Variants in EFR3B observed in about 807,000 individuals in gnomAD.
The protein encoded by EFR3B is EFR3 homolog B, also known as protein EFR3 homolog B.
Under a neutral mutation model 104.7 loss-of-function variants are expected in EFR3B, and 64 were observed. The observed-to-expected ratio is 0.61, with a 90% CI of 0.50 to 0.75. The LOEUF (loss-of-function observed/expected upper bound fraction) is 0.75. Among genes scored for constraint, EFR3B ranks in the 30% least tolerant of loss-of-function variants. The pLI, the probability that EFR3B is intolerant of heterozygous loss-of-function variation, is 0.00. For synonymous variants in EFR3B, 385 were observed against 417.9 expected (o/e 0.92, Z 0.96); for missense variants, 750 against 1,078.5 (o/e 0.70, Z 4.27).
chr2:25,096,640 AC>A (rs928013827), intron 3 of EFR3B, among the ~76,000 whole-genome samples: 4 of 152,118 alleles, frequency 2.6e-5, no homozygotes, highest in African/African-American at 9.7e-5. Flanking sequence ...TGAACTGCTG[AC>A]CACCTGGCTG....
chr2:25,129,330 G>GTGGGGA (rs1299988273), intron 6 of EFR3B, among the ~76,000 whole-genome samples: 2 of 131,810 alleles, frequency 1.5e-5, no homozygotes, highest in Non-Finnish European at 3.1e-5. Flanking sequence ...GGGGGCGGGG[G>GTGGGGA]CGGGGGCGGG....
intron 1 of EFR3B, among the ~76,000 whole-genome samples, chr2:25,059,875 C>CA (rs773320701): frequency 0.015 from 723 of 48,636 alleles, 29 homozygotes; most frequent in Non-Finnish European, 0.019. Context: ...AACTCTGTCT[C>CA]AAAAAAAAAA....
chr2:25,093,190 T>C (rs1476378733), intron 3 of EFR3B, 60 bp downstream of exon 3: 4 of 1,525,882 alleles, frequency 2.6e-6, no homozygotes, highest in South Asian at 1.2e-5. Context: ...AGGCTAAACA[T>C]AGGGTCCTTT....
chr2:25,116,145 T>G (rs1669853196), intron 4 of EFR3B: 1 of 152,258 alleles, frequency 6.6e-6, no homozygotes, highest in Admixed American at 6.5e-5. Flanking sequence ...CAAATACTGC[T>G]GTTCAATGAT....
intron 1 of EFR3B, among the ~76,000 whole-genome samples, chr2:25,086,451 A>G (rs1423775559): frequency 1.3e-5 from 2 of 152,172 alleles, no homozygotes; most frequent in Non-Finnish European, 2.9e-5. Flanking sequence ...GATCTGGGCC[A>G]TTCTAATAGG....
chr2:25,156,641 A>T lies in EFR3B; in HGVS notation c.*2301A>T, dbSNP rs761427524. 6.6e-6 allele frequency: 1 copy of T among 152,242 alleles called. No homozygotes were observed. Among genetic ancestry groups the T allele is most frequent in the Non-Finnish European group, 1.5e-5 (1 of 68,068 alleles). 9.4% of individuals were successfully genotyped at this position (152,242 alleles called of 1,614,324 possible). ...GCCTGAGTGAGGGCAGGGCCCAGGC[A>T]TGGAGGCTCCTGCACCCCCAAGGCT... is the stretch of plus-strand genomic sequence containing the variant. On this transcript the variant is annotated 3_prime_UTR_variant, in exon 23 of 23. Transcript: ENST00000403714.
chr2:25,081,369 G>A, intron 1 of EFR3B: 2 of 987,316 alleles, frequency 2.0e-6, no homozygotes, highest in South Asian at 1.4e-5. Flanking sequence ...CTTGCCAGCA[G>A]TACTCATAGT....
At chr2:25,078,434 A>G (rs1273238549) in intron 1 of EFR3B, among the ~76,000 whole-genome samples, 1 of 152,188 alleles carries the variant, frequency 6.6e-6, no homozygotes, top group African/African-American at 2.4e-5. Context: ...AAATAAATAC[A>G]AACTATTTTG....
chr2:25,136,509 G>A lies in EFR3B; in HGVS notation c.1485-14G>A. 1.3e-6 allele frequency: 2 copies of A among 1,550,928 alleles called. No homozygotes were observed. Among genetic ancestry groups the A allele is most frequent in the Non-Finnish European group, 1.7e-6 (2 of 1,146,526 alleles). On this transcript the variant is annotated splice_polypyrimidine_tract_variant and intron_variant, in intron 13 of 22. Transcript: ENST00000403714. The surrounding 1 kb of genome is among the most constrained non-coding windows in gnomAD (Gnocchi z 4.0). Reference sequence around the variant, plus strand: ...CATGCAAGGGCTAAGGAGGCCCTTTGCATCCCTTCCCAGTACCCTCAGTGA... The same window carrying A: ...CATGCAAGGGCTAAGGAGGCCCTTTACATCCCTTCCCAGTACCCTCAGTGA...
At chr2:25,107,305 A>G (rs1412528502) in intron 4 of EFR3B, among the ~76,000 whole-genome samples, 1 of 152,158 alleles carries the variant, frequency 6.6e-6, no homozygotes, top group Non-Finnish European at 1.5e-5. Flanking sequence ...CCTCACCCTG[A>G]GCCCACTCTG....
rs1485433199 is a variant in EFR3B, at chr2:25,154,241, A to G, written c.2355A>G (p.Pro785=). ...NQIFEITIRP[P]PSPSGTITAA... is the part of the protein sequence containing the mutation. The stretch of plus-strand genomic sequence containing the variant: ...ATGTGTTCCTGCCCCCTAGGCCCCC[A>G]CCAAGCCCATCAGGAACCATCACTG... The change falls in exon 23 of 23, where the codon CCA becomes CCG. Residue 785 remains proline, a synonymous_variant. Coordinates refer to ENST00000403714, the MANE Select transcript of EFR3B (RefSeq NM_014971.2). The surrounding 1 kb of genome is among the most constrained non-coding windows in gnomAD (Gnocchi z 4.1). 2 of 1,551,730 alleles carry G rather than the reference A, an allele frequency of 1.3e-6. No individual in the cohort carries two copies. The highest frequency in any genetic ancestry group is 1.7e-6 in the Non-Finnish European group (2 of 1,146,994).
intron 1 of EFR3B, among the ~76,000 whole-genome samples, chr2:25,046,477 C>G (rs2149161789): frequency 6.6e-6 from 1 of 150,764 alleles, no homozygotes; most frequent in South Asian, 2.1e-4. Flanking sequence ...AACTGCAGGG[C>G]AAGGCAGGCT....
chr2:25,072,685 C>T (rs1668530776), intron 1 of EFR3B, among the ~76,000 whole-genome samples: 1 of 152,184 alleles, frequency 6.6e-6, no homozygotes, highest in South Asian at 2.1e-4. Context: ...CATGGCTACC[C>T]TTCCTAATAA....
At chr2:25,110,816 C>G (rs1669705915) in intron 4 of EFR3B, among the ~76,000 whole-genome samples, 2 of 152,152 alleles carry the variant, frequency 1.3e-5, no homozygotes, top group Admixed American at 1.3e-4. Context: ...CCTAATTTTC[C>G]CCCGTTGTCT....
chr2:25,094,209 C>G (rs950702915), intron 3 of EFR3B, among the ~76,000 whole-genome samples: 1 of 131,302 alleles, frequency 7.6e-6, no homozygotes, highest in Non-Finnish European at 1.5e-5. Flanking sequence ...GGCTTGAGCC[C>G]AAGAGGTCAA....
chr2:25,116,714 C>G (rs185187125), intron 4 of EFR3B, among the ~76,000 whole-genome samples: 1 of 151,744 alleles, frequency 6.6e-6, no homozygotes, highest in Non-Finnish European at 1.5e-5. Context: ...CTCATGGAGC[C>G]GCAGAAGGAG....
At chr2:25,057,783 C>A (rs1167329280) in intron 1 of EFR3B, among the ~76,000 whole-genome samples, 547 of 138,334 alleles carry the variant, frequency 4.0e-3, no homozygotes, top group Admixed American at 4.3e-3. Context: ...AAAACTCCGT[C>A]AAAAAAAAAA....
In EFR3B at chr2:25,158,017, C is replaced by T. The variant is rs2149217484; in HGVS notation, c.*3677C>T. ...AAGCACAAGTGTCATAGATGTGCCG[C>T]CCTTTGCCCTGGGTGTTCTAGATCA... is the stretch of plus-strand genomic sequence containing the variant. On this transcript the variant is annotated 3_prime_UTR_variant, in exon 23 of 23. Transcript: ENST00000403714. 6.6e-6 allele frequency: 1 copy of T among 152,452 alleles called. No homozygotes were observed. Among genetic ancestry groups the T allele is most frequent in the East Asian group, 1.9e-4 (1 of 5,190 alleles). 9.4% of individuals were successfully genotyped at this position (152,452 alleles called of 1,614,324 possible). A position where few individuals can be genotyped will look rare whatever the true frequency, so the allele number is the denominator to read the frequency against.
rs1002045895 is a variant in EFR3B at position 25,121,693 on chromosome 2, C to T, written c.384C>T (p.Ile128=). The change falls in exon 5 of 23, where the codon ATC becomes ATT. Residue 128 remains isoleucine (I), a synonymous_variant. Transcript: ENST00000403714. ...GATAGTTTGTGAAGTTTGCCAACAT[C>T]GAGGAGGACACCCCGTCCTATCACC... The part of the protein sequence containing the change: ...GTNSFVKFAN[I]EEDTPSYHRS... 13 of 1,551,560 alleles carry T rather than the reference C, an allele frequency of 8.4e-6. No homozygotes were observed. Among genetic ancestry groups the T allele is most frequent in the African/African-American group, 8.2e-5 (6 of 73,018 alleles).
Sources: allele counts gnomAD v4.1 joint callset (sites outside exome capture counted in the v4.1 genomes callset), GRCh38; gene constraint gnomAD v4.1.1; non-coding constraint Gnocchi (gnomAD v3.1); transcripts MANE v1.5; gene names NCBI Gene and HGNC (gene_info 2026-07-23, HGNC 2026-07-21).